NCOR2: variants seen among roughly 807,000 people sequenced by gnomAD.
NCOR2 encodes the protein CTG repeat protein 26.
Under a neutral mutation model 262.9 loss-of-function variants are expected in NCOR2, and 81 were observed. That is an observed-to-expected ratio of 0.31 (90% CI 0.26 to 0.37). NCOR2 has a LOEUF of 0.37. Among genes scored for constraint, NCOR2 ranks in the 10% least tolerant of loss-of-function variants. The pLI is 1.00. For synonymous variants in NCOR2, 1,659 were observed against 1,559.3 expected, an observed-to-expected ratio of 1.06 and a Z score of -1.51; for missense variants, 3,385 against 3,621.4, an observed-to-expected ratio of 0.93 and a Z score of 1.68.
At chr12:124,400,361 C>G (rs1035387058) in intron 15 of NCOR2, 140 bp downstream of exon 17, 39 of 1,178,082 alleles carry the variant, frequency 3.3e-5, no homozygotes, top group Non-Finnish European at 4.6e-5. Context: ...GTAGGTAGCG[C>G]TGGGATTTGA....
At chr12:124,455,638 T>C (rs970425724) in intron 6 of NCOR2, among the ~76,000 whole-genome samples, 1 of 152,192 alleles carries the variant, frequency 6.6e-6, no homozygotes, top group African/African-American at 2.4e-5. Flanking sequence ...GAGCAGCTCA[T>C]CACCAAATTG....
intron 17 of NCOR2, among the ~76,000 whole-genome samples, chr12:124,385,221 C>G (rs368964716): frequency 6.6e-6 from 1 of 152,190 alleles, no homozygotes; most frequent in African/African-American, 2.4e-5. Flanking sequence ...CTCAGCCTCC[C>G]GTGGCCTGCC....
At chr12:124,565,100 G>A (rs1487622432) in intron 1 of NCOR2, among the ~76,000 whole-genome samples, 1 of 152,112 alleles carries the variant, frequency 6.6e-6, no homozygotes, top group African/African-American at 2.4e-5. Flanking sequence ...AGAGGGGGAG[G>A]GGGAGAGCGC....
At position 124,389,527 on chromosome 12, in the gene NCOR2, G is replaced by A. The variant is rs1162429472; in HGVS notation, c.1877-3640C>T. Among the ~76,000 whole-genome samples, 1 of 152,176 alleles carries A rather than the reference G, an allele frequency of 6.6e-6. No individual in the cohort carries two copies. The highest frequency in any genetic ancestry group is 1.5e-5 in the Non-Finnish European group (1 of 68,026). ...GAGCTTCTCCACCCCCGGCAGACAG[G>A]GAGCAAACAGCTTCTTCCGCCATCA... On this transcript the variant is annotated intron_variant, in intron 16 of 46. Coordinates refer to ENST00000405201, the Ensembl canonical transcript of NCOR2. The surrounding 1 kb of genome is among the most constrained non-coding windows in gnomAD (Gnocchi z 4.4).
intron 3 of NCOR2, among the ~76,000 whole-genome samples, chr12:124,474,176 C>CTGTAAA (rs2046972983): frequency 6.6e-6 from 1 of 152,222 alleles, no homozygotes. Context: ...TGTAAACATT[C>CTGTAAA]ATCCATGAAG....
intron 7 of NCOR2, among the ~76,000 whole-genome samples, chr12:124,445,432 C>T (rs1294458926): frequency 2.0e-5 from 3 of 152,334 alleles, no homozygotes; most frequent in African/African-American, 7.2e-5. Context: ...GAGGCGGCTA[C>T]GGGCGACTCC....
chr12:124,341,675 C>T (rs1487747991), intron 34 of NCOR2, 148 bp downstream of exon 36: 2 of 1,265,078 alleles, frequency 1.6e-6, no homozygotes, highest in East Asian at 2.4e-5. Flanking sequence ...ACAGCACGCA[C>T]AACCCCAGGC....
chr12:124,413,108 C>T (rs1211412182), intron 13 of NCOR2, among the ~76,000 whole-genome samples: 1 of 152,232 alleles, frequency 6.6e-6, no homozygotes, highest in East Asian at 1.9e-4. Context: ...GCCTCCATTT[C>T]AATCCCACCT....
At chr12:124,411,043 G>A (rs535449505) in intron 13 of NCOR2, among the ~76,000 whole-genome samples, 40 of 146,468 alleles carry the variant, frequency 2.7e-4, no homozygotes, top group African/African-American at 7.3e-4. Flanking sequence ...GGGAGGGGGC[G>A]GGGGAGGAGG....
In NCOR2 at chr12:124,344,688, C is replaced by T. The variant is rs1263992; in HGVS notation, c.4623G>A (p.Leu1541=). ...AGGGTGCCCCGTGGTCCTCATAGGT[C>T]AGGGGGCTCTGCCGCGGCTTACCCA... is the stretch of plus-strand genomic sequence containing the variant. Residue 1541 remains leucine (L), a synonymous_variant, in exon 32 of 47, where the codon CTG becomes CTA. Coordinates refer to ENST00000405201, the Ensembl canonical transcript of NCOR2. 0.69 allele frequency: 1,055,170 copies of T among 1,526,734 alleles called. 368,676 individuals are homozygous for T. The highest frequency in any genetic ancestry group is 0.74 in the Middle Eastern group (4,341 of 5,832). 94.6% of individuals were successfully genotyped at this position (1,526,734 alleles called of 1,614,324 possible). A position where few individuals can be genotyped will look rare whatever the true frequency, so the allele number is the denominator to read the frequency against.
chr12:124,329,909 GT>G (rs2035033067), intron 44 of NCOR2, among the ~76,000 whole-genome samples: 1 of 152,112 alleles, frequency 6.6e-6, no homozygotes, highest in South Asian at 2.1e-4. Context: ...CGACCAAATT[GT>G]CTTCTTCCCG....
upstream of NCOR2, chr12:124,539,140 G>GC (rs1020526700): frequency 6.6e-6 from 1 of 152,262 alleles, no homozygotes; most frequent in Non-Finnish European, 1.5e-5. The surrounding 1 kb of genome is among the most constrained non-coding windows in gnomAD (Gnocchi z 5.1). Context: ...CGGCAGAGCC[G>GC]CCCCCGTCAG....
chr12:124,463,626 C>T (rs1213719955), intron 5 of NCOR2, among the ~76,000 whole-genome samples: 1 of 152,244 alleles, frequency 6.6e-6, no homozygotes, highest in Non-Finnish European at 1.5e-5. Flanking sequence ...CTGCGTTTTC[C>T]GGCTGGCTCG....
In NCOR2 at chr12:124,387,568, A is replaced by AGACCCC. The variant is rs2040911127; in HGVS notation, c.1877-1682_1877-1681insGGGGTC. Among the ~76,000 whole-genome samples the AGACCCC allele has an allele frequency of 2.6e-5, 4 of 152,138 alleles. No individual in the cohort carries two copies. The South Asian group carries it at 8.3e-4, about 32-fold the overall frequency. On this transcript the variant is annotated intron_variant, in intron 16 of 46. Transcript: ENST00000405201. Reference sequence around the variant, plus strand: ...CTGGCCCCCGTGGCGTGGGGGTGGCACTGACTGACAGGCCACCTGTTCGCC... The same window carrying AGACCCC: ...CTGGCCCCCGTGGCGTGGGGGTGGCAGACCCCCTGACTGACAGGCCACCTGTTCGCC...
At chr12:124,365,162 G>GA (rs1487207708) in intron 20 of NCOR2, among the ~76,000 whole-genome samples, 1 of 152,220 alleles carries the variant, frequency 6.6e-6, no homozygotes, top group African/African-American at 2.4e-5. Context: ...CCAAGCTAGT[G>GA]AAATGACCAC....
chr12:124,526,217 C>G (rs1043066527), intron 1 of NCOR2, among the ~76,000 whole-genome samples: 1 of 152,178 alleles, frequency 6.6e-6, no homozygotes, highest in African/African-American at 2.4e-5. Flanking sequence ...TCATGTGGGT[C>G]TTTCCTCAAC....
intron 31 of NCOR2, among the ~76,000 whole-genome samples, chr12:124,346,254 G>A (rs924851591): frequency 6.6e-5 from 10 of 152,168 alleles, no homozygotes; most frequent in Non-Finnish European, 1.3e-4. Context: ...AAGATTCAAC[G>A]GAGGCAGTTA....
intron 37 of NCOR2, 67 bp downstream of exon 39, chr12:124,339,939 T>C: frequency 1.6e-6 from 2 of 1,287,602 alleles, no homozygotes; most frequent in East Asian, 3.8e-5. Flanking sequence ...CATCCTCTTA[T>C]CTGCTCATCC....
rs1419139167 is a variant in NCOR2 at position 124,327,348 on chromosome 12, C to T, written c.7183+61G>A. On this transcript the variant is annotated intron_variant, in intron 45 of 46. Transcript: ENST00000405201. ...GGGTTGTCAGAGGAGCGCGGAGGAGCGAGGATTAATCACACCGGGGGTGGG... is the reference window on the plus strand; with the variant it reads ...GGGTTGTCAGAGGAGCGCGGAGGAGTGAGGATTAATCACACCGGGGGTGGG... The T allele has an allele frequency of 4.6e-6, 6 of 1,298,716 alleles. No homozygotes were observed. The East Asian group carries it at 7.6e-5, about 16-fold the overall frequency. 80.4% of individuals were successfully genotyped at this position (1,298,716 alleles called of 1,614,324 possible).
Sources: gnomAD v4.1 joint callset for allele counts (sites outside exome capture counted in the v4.1 genomes callset) on GRCh38, gnomAD v4.1.1 for gene constraint, Gnocchi (gnomAD v3.1) non-coding constraint, MANE v1.5 for transcripts, NCBI Gene and HGNC (gene_info 2026-07-23, HGNC 2026-07-21) for gene names.